PPM1L: variants seen among roughly 807,000 people sequenced by gnomAD.
PPM1L encodes protein phosphatase 1L.
In PPM1L, 13 loss-of-function variants were observed where a neutral mutation model predicts 31.4. The observed-to-expected ratio is 0.41, with a 90% CI of 0.27 to 0.66. The LOEUF is 0.66. PPM1L is among the 30% of genes least tolerant of loss of function. The probability of loss-of-function intolerance (pLI) is 0.29; values close to 1 mark genes in which losing one functional copy is unlikely to be tolerated. For synonymous variants in PPM1L, 184 were observed against 175.4 expected, an observed-to-expected ratio of 1.05 and a Z score of -0.39; for missense variants, 326 against 453.7, an observed-to-expected ratio of 0.72 and a Z score of 2.56.
chr3:160,933,975 C>G (rs1281458886), intron 1 of PPM1L, among the ~76,000 whole-genome samples: 1 of 152,148 alleles, frequency 6.6e-6, no homozygotes, highest in Non-Finnish European at 1.5e-5. Context: ...TGTCATTAAT[C>G]CTATTTCTAC....
In PPM1L at chr3:160,944,832, A is replaced by AT. The variant is rs1553748184; in HGVS notation, c.400-16903dup. 3.5e-5 allele frequency among the ~76,000 whole-genome samples: 2 copies of AT among 57,062 alleles called. 1 individual carries two copies. Among genetic ancestry groups the AT allele is most frequent in the Non-Finnish European group, 7.8e-5 (2 of 25,702 alleles). 37.4% of individuals were successfully genotyped at this position (57,062 alleles called of 152,430 possible). A position where few individuals can be genotyped will look rare whatever the true frequency, so the allele number is the denominator to read the frequency against. ...ATAACATATATATGTTATATATAACATATATATGTTATATATAACATATAT... is the reference window on the plus strand; with the variant it reads ...ATAACATATATATGTTATATATAACATTATATATGTTATATATAACATATAT... On this transcript the variant is annotated intron_variant, in intron 1 of 3. Coordinates refer to ENST00000498165, the MANE Select transcript of PPM1L (RefSeq NM_139245.4).
chr3:160,981,154 T>A (rs577253570), intron 2 of PPM1L, among the ~76,000 whole-genome samples: 5 of 152,334 alleles, frequency 3.3e-5, no homozygotes, highest in Admixed American at 6.5e-5. Context: ...TTTCTAATAC[T>A]GTGTATTAGT....
intron 1 of PPM1L, among the ~76,000 whole-genome samples, chr3:160,848,232 G>T (rs80274062): frequency 0.099 from 15,022 of 152,082 alleles, 1,467 homozygotes; most frequent in African/African-American, 0.26. Context: ...GTAGTTTGTT[G>T]TTGTTTTGTA....
intron 1 of PPM1L, among the ~76,000 whole-genome samples, chr3:160,912,460 A>G (rs1199873224): frequency 2.6e-5 from 4 of 152,214 alleles, no homozygotes; most frequent in South Asian, 2.1e-4. Context: ...TGTACTCTTC[A>G]TACAACCATG....
At chr3:160,975,416 A>G (rs139270903) in intron 2 of PPM1L, among the ~76,000 whole-genome samples, 5 of 152,170 alleles carry the variant, frequency 3.3e-5, no homozygotes, top group Non-Finnish European at 7.3e-5. Flanking sequence ...GAAGAAAATC[A>G]TCGGTAGCTT....
At chr3:160,844,558 T>C (rs899114615) in intron 1 of PPM1L, among the ~76,000 whole-genome samples, 11 of 152,212 alleles carry the variant, frequency 7.2e-5, no homozygotes, top group Non-Finnish European at 1.3e-4. Context: ...TCTTGCCATC[T>C]ATGGATTATG....
At chr3:160,933,519 C>T (rs1714854930) in intron 1 of PPM1L, among the ~76,000 whole-genome samples, 1 of 152,094 alleles carries the variant, frequency 6.6e-6, no homozygotes, top group Non-Finnish European at 1.5e-5. Flanking sequence ...TTTTCATTAT[C>T]CCTGTTTGAG....
intron 2 of PPM1L, among the ~76,000 whole-genome samples, chr3:160,973,592 G>C (rs1230369551): frequency 6.6e-6 from 1 of 152,076 alleles, no homozygotes; most frequent in Non-Finnish European, 1.5e-5. Flanking sequence ...TCCATTTGTA[G>C]TAGTGAGAGG....
chr3:160,921,865 G>A (rs536860219), intron 1 of PPM1L, among the ~76,000 whole-genome samples: 2 of 122,160 alleles, frequency 1.6e-5, no homozygotes, highest in African/African-American at 5.2e-5. Flanking sequence ...TTATGACCAG[G>A]GATTTCAGTA....
At chr3:160,944,708 A>G (rs1477688025) in intron 1 of PPM1L, among the ~76,000 whole-genome samples, 6 of 130,218 alleles carry the variant, frequency 4.6e-5, no homozygotes, top group Admixed American at 2.7e-4. Context: ...AATTTTATAT[A>G]TAATATATAT....
In PPM1L at chr3:160,756,638, A is replaced by G. The variant is rs771374460; in HGVS notation, c.330A>G (p.Glu110=). 39 of 1,613,990 alleles carry G rather than the reference A, an allele frequency of 2.4e-5. No individual in the cohort carries two copies. The highest frequency in any genetic ancestry group is 3.1e-5 in the Non-Finnish European group (37 of 1,180,040). ...GRRDHMEDRF[E]VLTDLANKTH... ...GAGACCACATGGAGGACCGCTTCGAAGTTCTCACGGATCTGGCCAACAAGA... is the reference window on the plus strand; with the variant it reads ...GAGACCACATGGAGGACCGCTTCGAGGTTCTCACGGATCTGGCCAACAAGA... Residue 110 remains glutamate (E), a synonymous_variant, in exon 1 of 4, where the codon GAA becomes GAG. Coordinates refer to ENST00000498165, the MANE Select transcript of PPM1L (RefSeq NM_139245.4). This position sits in a 1 kb window ranked among gnomAD's most constrained non-coding sequence, Gnocchi z 6.2.
At chr3:161,049,602 T>C (rs1719205465) in intron 2 of PPM1L, among the ~76,000 whole-genome samples, 11 of 152,218 alleles carry the variant, frequency 7.2e-5, no homozygotes, top group Admixed American at 7.2e-4. Context: ...ATTGGTGAGC[T>C]TCTTATTCCA....
At chr3:160,903,193 G>GTGTGTGTGTGTGT (rs1553819620) in intron 1 of PPM1L, among the ~76,000 whole-genome samples, 18 of 124,202 alleles carry the variant, frequency 1.4e-4, no homozygotes, top group African/African-American at 4.2e-4. Context: ...GTGTGTGTGT[G>GTGTGTGTGTGTGT]GTATGTGTGT....
chr3:161,066,792 C>T (rs1309564245), intron 3 of PPM1L, among the ~76,000 whole-genome samples: 3 of 152,176 alleles, frequency 2.0e-5, no homozygotes, highest in African/African-American at 4.8e-5. Context: ...CTCTACAGGT[C>T]AGCTTCTGCC....
chr3:160,767,825 A>G (rs1715144416), intron 1 of PPM1L, among the ~76,000 whole-genome samples: 1 of 152,232 alleles, frequency 6.6e-6, no homozygotes, highest in Non-Finnish European at 1.5e-5. Flanking sequence ...AGATTGCAAT[A>G]GGGCAGAAAC....
At chr3:160,796,101 A>G (rs1442060592) in intron 1 of PPM1L, among the ~76,000 whole-genome samples, 1 of 152,204 alleles carries the variant, frequency 6.6e-6, no homozygotes, top group African/African-American at 2.4e-5. Flanking sequence ...CTGGTCTGGG[A>G]ATGCTTAAAA....
intron 1 of PPM1L, among the ~76,000 whole-genome samples, chr3:160,854,164 G>T (rs146679603): frequency 6.6e-6 from 1 of 152,092 alleles, no homozygotes; most frequent in East Asian, 1.9e-4. Flanking sequence ...TACTTTGACC[G>T]CATCATGTGG....
In PPM1L at chr3:161,070,928, A is replaced by T. The variant is rs925181822; in HGVS notation, c.*1771A>T. 6.6e-6 allele frequency: 1 copy of T among 152,200 alleles called. No individual in the cohort carries two copies. The highest frequency in any genetic ancestry group is 1.5e-5 in the Non-Finnish European group (1 of 68,038). The allele number at this position is 152,200 out of a possible 1,614,324, so 9.4% of individuals were successfully genotyped here. On this transcript the variant is annotated 3_prime_UTR_variant, in exon 4 of 4. Coordinates refer to ENST00000498165, the MANE Select transcript of PPM1L (RefSeq NM_139245.4). ...CACTGAGAATTGCTAATGATTTCCC[A>T]TGAGATTTGCTTACTTTTGTATACT...
intron 1 of PPM1L, among the ~76,000 whole-genome samples, chr3:160,940,885 T>G (rs1715142805): frequency 6.6e-6 from 1 of 152,128 alleles, no homozygotes; most frequent in African/African-American, 2.4e-5. Flanking sequence ...CAGCTTGAAC[T>G]GTGGGCCTGG....
Sources: allele counts gnomAD v4.1 joint callset (sites outside exome capture counted in the v4.1 genomes callset), GRCh38; gene constraint gnomAD v4.1.1; non-coding constraint Gnocchi (gnomAD v3.1); transcripts MANE v1.5; gene names NCBI Gene and HGNC (gene_info 2026-07-23, HGNC 2026-07-21).